Variants in ACACB observed in about 807,000 individuals in gnomAD.
ACACB encodes the protein acetyl-CoA carboxylase beta, also known as acetyl-CoA carboxylase 2.
ACACB carries 209 observed loss-of-function variants against 278.8 expected under a neutral mutation model. The observed-to-expected ratio is 0.75, with a 90% CI of 0.67 to 0.84. The LOEUF is 0.84. ACACB is among the 40% of genes least tolerant of loss of function. The pLI is 0.00. For missense variants in ACACB, 2,850 were observed against 3,269.0 expected (o/e 0.87, Z 3.13); for synonymous variants, 1,174 against 1,285.6 (o/e 0.91, Z 1.86).
chr12:109,259,049 G>A lies in ACACB; in HGVS notation c.6437G>A (p.Arg2146Gln), dbSNP rs374132389. Residue 2146 changes from arginine to glutamine, a missense_variant, in exon 47 of 53, where the codon CGG becomes CAG. Arg to Gln is a conservative substitution (Grantham distance 43). This residue lies in a region of ACACB where 579 missense variants were observed against 684.6 expected (regional missense o/e 0.85). Coordinates refer to ENST00000338432, the MANE Select transcript of ACACB (RefSeq NM_001093.4). ...GCCCAGGCCGTCAAGGACTTCAACC[G>A]GGAGAAGTTGCCCCTGATGATCTTT... ...KTAQAVKDFN[R>Q]EKLPLMIFAN... 40 of 1,614,006 alleles carry A rather than the reference G, an allele frequency of 2.5e-5. No individual in the cohort carries two copies. Among genetic ancestry groups the A allele is most frequent in the Middle Eastern group, 1.6e-4 (1 of 6,082 alleles).
chr12:109,167,454 C>T (rs1027023381), intron 3 of ACACB, among the ~76,000 whole-genome samples: 1 of 150,836 alleles, frequency 6.6e-6, no homozygotes, highest in African/African-American at 2.4e-5. Flanking sequence ...AAAAAATTAG[C>T]AGGATGTGGT....
chr12:109,142,857 A>T (rs1018679781), intron 2 of ACACB, among the ~76,000 whole-genome samples: 1 of 152,180 alleles, frequency 6.6e-6, no homozygotes, highest in Non-Finnish European at 1.5e-5. Context: ...ATGAGCCATC[A>T]CGTCTAGCCT....
At chr12:109,240,951 G>C (rs2046778690) in intron 35 of ACACB, 127 bp from the exon 36 acceptor site, 1 of 805,916 alleles carries the variant, frequency 1.2e-6, no homozygotes, top group Non-Finnish European at 2.0e-6. Context: ...ACTTTTTGTT[G>C]GATACACACT....
chr12:109,259,121 C>A lies in ACACB; in HGVS notation c.6496+13C>A, dbSNP rs778533605. On this transcript the variant is annotated intron_variant, in intron 47 of 52. Transcript: ENST00000338432. Reference sequence around the variant, plus strand: ...GGTGGCATGAAAGGTAAGCCCCTCCCTGCCTATGTTACCCCAAAGCCTTGG... The same window carrying A: ...GGTGGCATGAAAGGTAAGCCCCTCCATGCCTATGTTACCCCAAAGCCTTGG... 1.9e-6 allele frequency: 3 copies of A among 1,613,290 alleles called. No homozygotes were observed. The highest frequency in any genetic ancestry group is 2.2e-5 in the South Asian group (2 of 90,976).
In ACACB at chr12:109,240,094, C is replaced by A. The variant is rs956671476; in HGVS notation, c.4818+109C>A. 12 of 1,290,140 alleles carry A rather than the reference C, an allele frequency of 9.3e-6. No homozygotes were observed. The African/African-American group carries it at 1.8e-4, about 19-fold the overall frequency. The allele number at this position is 1,290,140 out of a possible 1,614,324, so 79.9% of individuals were successfully genotyped here. A position where few individuals can be genotyped will look rare whatever the true frequency, so the allele number is the denominator to read the frequency against. On this transcript the variant is annotated intron_variant, in intron 35 of 52. Coordinates refer to ENST00000338432, the MANE Select transcript of ACACB (RefSeq NM_001093.4). The stretch of plus-strand genomic sequence containing the variant: ...TCAAGACCTGGGTTCCAGGATGAAA[C>A]CATGCGTATCTGAGCCTCAGTTGCT...
chr12:109,211,262 A>T (rs1341067719), intron 21 of ACACB, among the ~76,000 whole-genome samples: 1 of 150,830 alleles, frequency 6.6e-6, no homozygotes, highest in Non-Finnish European at 1.5e-5. Context: ...AAGAATACTG[A>T]TTCATGCTCC....
At chr12:109,254,837 C>T (rs113657741) in intron 44 of ACACB, among the ~76,000 whole-genome samples, 2,272 of 151,604 alleles carry the variant, frequency 0.015, 53 homozygotes, top group African/African-American at 0.047. Flanking sequence ...TGCAGTGGCG[C>T]GATCTTGGCT....
intron 43 of ACACB, 68 bp downstream of exon 43, chr12:109,253,226 CTG>C (rs1052450323): frequency 1.4e-6 from 2 of 1,432,216 alleles, no homozygotes; most frequent in Admixed American, 2.3e-5. Context: ...AATTCTGTCC[CTG>C]TCACCTCCTG....
chr12:109,210,596 T>C (rs1482026630), intron 21 of ACACB, among the ~76,000 whole-genome samples: 1 of 149,196 alleles, frequency 6.7e-6, no homozygotes, highest in Non-Finnish European at 1.5e-5. Flanking sequence ...TAAACATATA[T>C]ATGTATATAT....
intron 21 of ACACB, among the ~76,000 whole-genome samples, chr12:109,210,873 CACT>C (rs374733276): frequency 4.6e-4 from 69 of 149,988 alleles, no homozygotes; most frequent in African/African-American, 1.6e-3. Context: ...GAGATCGCAC[CACT>C]GTGCTCCAGA....
intron 28 of ACACB, among the ~76,000 whole-genome samples, chr12:109,228,484 C>T (rs1324783522): frequency 6.6e-6 from 1 of 151,642 alleles, no homozygotes; most frequent in Non-Finnish European, 1.5e-5. Context: ...TTGGTGAAAC[C>T]CCATCTCTAC....
Position 109,146,736 on chromosome 12 carries a change from A to G in ACACB, c.653+6678A>G, listed in dbSNP as rs886867789. Reference sequence around the variant, plus strand: ...GATACCCAGGCTGGAGTGCAGTAGCATGGTCATGGCTCACTGCAGCTTTGA... The same window carrying G: ...GATACCCAGGCTGGAGTGCAGTAGCGTGGTCATGGCTCACTGCAGCTTTGA... On this transcript the variant is annotated intron_variant, in intron 2 of 52. Transcript: ENST00000338432. Among the ~76,000 whole-genome samples the G allele has an allele frequency of 1.2e-4, 18 of 151,844 alleles. 1 individual carries two copies. The South Asian group carries it at 3.8e-3, about 32-fold the overall frequency.
intron 4 of ACACB, 138 bp downstream of exon 4, chr12:109,168,172 C>T: frequency 1.0e-6 from 1 of 970,018 alleles, no homozygotes; most frequent in South Asian, 2.0e-5. Flanking sequence ...TTTGTCCTTC[C>T]TTCTTTATTT....
intron 48 of ACACB, among the ~76,000 whole-genome samples, chr12:109,261,818 C>A (rs1320707400): frequency 1.3e-5 from 2 of 149,936 alleles, no homozygotes; most frequent in Admixed American, 1.3e-4. Flanking sequence ...TTGTAGTGAA[C>A]CGAGATAGTG....
intron 24 of ACACB, among the ~76,000 whole-genome samples, chr12:109,221,449 G>A (rs991188396): frequency 6.6e-6 from 1 of 152,152 alleles, no homozygotes; most frequent in Non-Finnish European, 1.5e-5. Context: ...TATGCACTTA[G>A]GGCATAAGAG....
intron 11 of ACACB, among the ~76,000 whole-genome samples, chr12:109,185,052 G>A (rs991004250): frequency 2.0e-5 from 3 of 152,088 alleles, no homozygotes; most frequent in African/African-American, 7.2e-5. Flanking sequence ...TTCTCTGATT[G>A]TTTCTTCCTG....
rs77945169 is a variant in ACACB at position 109,207,167 on chromosome 12, G to A, written c.3060+311G>A. On this transcript the variant is annotated intron_variant, in intron 20 of 52. Coordinates refer to ENST00000338432, the MANE Select transcript of ACACB (RefSeq NM_001093.4). ...GATGGCATTTTGCCATGTTCCCCACGCTGGTCTTGAACTCTTGGGCTCAAG... is the reference window on the plus strand; with the variant it reads ...GATGGCATTTTGCCATGTTCCCCACACTGGTCTTGAACTCTTGGGCTCAAG... 1.1e-4 allele frequency among the ~76,000 whole-genome samples: 17 copies of A among 152,176 alleles called. No homozygotes were observed. In the South Asian group the frequency reaches 1.2e-3, roughly 11 times the overall value.
chr12:109,233,738 G>A lies in ACACB; in HGVS notation c.4140-10G>A, dbSNP rs200332016. On this transcript the variant is annotated splice_polypyrimidine_tract_variant and intron_variant, in intron 29 of 52. Transcript: ENST00000338432. ...GCCCCTCAGCCCTCCCTCTCTACCC[G>A]CACCCCCAGAAATTTTGATGAAGTC... 2.2e-5 allele frequency: 35 copies of A among 1,612,506 alleles called. No homozygotes were observed. The highest frequency in any genetic ancestry group is 3.3e-4 in the Middle Eastern group (2 of 6,056).
intron 1 of ACACB, among the ~76,000 whole-genome samples, chr12:109,128,171 T>C (rs949392869): frequency 3.3e-5 from 5 of 152,076 alleles, no homozygotes; most frequent in Admixed American, 6.6e-5. Flanking sequence ...TTAGATCTTA[T>C]GGAGTTTTGC....
Sources: allele counts gnomAD v4.1 joint callset (sites outside exome capture counted in the v4.1 genomes callset), GRCh38; gene constraint gnomAD v4.1.1; regional missense constraint gnomAD v4.1.1; transcripts MANE v1.5; gene names NCBI Gene and HGNC (gene_info 2026-07-23, HGNC 2026-07-21).